Variants in FMO1 observed in about 807,000 individuals in gnomAD.
FMO1 encodes flavin containing dimethylaniline monoxygenase 1, also known as flavin-containing monooxygenase 1.
In FMO1, 36 loss-of-function variants were observed where a neutral mutation model predicts 45.4. The observed-to-expected ratio is 0.79, with a 90% CI of 0.61 to 1.05. The LOEUF is 1.05. Ranked by LOEUF, FMO1 falls within the 50% of genes least tolerant of loss-of-function variation. The pLI is 0.00. For missense variants in FMO1, 615 were observed against 640.3 expected (o/e 0.96, Z 0.43); for synonymous variants, 228 against 227.2 (o/e 1.00, Z -0.03).
rs2235507 is a variant in FMO1, at chr1:171,275,243, T to C, written c.322-103T>C. On this transcript the variant is annotated intron_variant, in intron 3 of 8. Transcript: ENST00000617670. ...TAGGGTTATACTTATTAATTATGTT[T>C]ATTCTGTGTTCTAGAACTTTTAAAA... 518 of 877,042 alleles carry C rather than the reference T, an allele frequency of 5.9e-4. 4 individuals carry two copies. The East Asian group carries it at 0.013, about 22-fold the overall frequency. The allele number at this position is 877,042 out of a possible 1,614,324, so 54.3% of individuals were successfully genotyped here.
intron 1 of FMO1, among the ~76,000 whole-genome samples, chr1:171,255,230 G>T (rs1221815511): frequency 6.6e-6 from 1 of 152,134 alleles, no homozygotes; most frequent in Non-Finnish European, 1.5e-5. Context: ...ATGCTGGAAG[G>T]TGCTATAAGC....
intron 2 of FMO1, 102 bp from the exon 3 acceptor site, chr1:171,267,441 T>G: frequency 1.4e-6 from 1 of 706,984 alleles, no homozygotes; most frequent in East Asian, 2.6e-5. Flanking sequence ...TATATTCTCC[T>G]GTGCTTGGCA....
At chr1:171,267,062 C>G (rs1558009444) in intron 2 of FMO1, among the ~76,000 whole-genome samples, 1 of 152,214 alleles carries the variant, frequency 6.6e-6, no homozygotes. Flanking sequence ...TCTCACAAAT[C>G]TCACCCTTCT....
At chr1:171,275,315 C>A in intron 3 of FMO1, 31 bp from the exon 4 acceptor site, 1 of 1,600,472 alleles carries the variant, frequency 6.2e-7, no homozygotes, top group Non-Finnish European at 8.6e-7. Context: ...ACATTGACAA[C>A]TGCTAATCAT....
At position 171,285,294 on chromosome 1, in the gene FMO1, TCTC is replaced by T. The variant is rs1469393048; in HGVS notation, c.1350_1352del (p.Ser451del). ...TATATCAATGCAAAACCCAACCTGT[TCTC>T]TATGCTCCTAACGGATCCACATCTG... On this transcript the variant is annotated inframe_deletion, in exon 9 of 9. Transcript: ENST00000617670. 19 of 1,613,894 alleles carry T rather than the reference TCTC, an allele frequency of 1.2e-5. No individual in the cohort carries two copies. The African/African-American group carries it at 2.5e-4, about 22-fold the overall frequency.
chr1:171,278,399 G>A (rs1661198754), intron 4 of FMO1, among the ~76,000 whole-genome samples: 1 of 152,046 alleles, frequency 6.6e-6, no homozygotes, highest in Admixed American at 6.6e-5. Flanking sequence ...GAACATTATT[G>A]TCCTGTTGAC....
At chr1:171,270,900 A>G (rs1342442283) in intron 3 of FMO1, 6 of 717,446 alleles carry the variant, frequency 8.4e-6, no homozygotes, top group Non-Finnish European at 1.4e-5. Flanking sequence ...TGACTTGTGA[A>G]CAGTAGGGTT....
At chr1:171,260,426 G>T (rs755663248) in intron 2 of FMO1, among the ~76,000 whole-genome samples, 7 of 152,192 alleles carry the variant, frequency 4.6e-5, no homozygotes, top group Non-Finnish European at 8.8e-5. Flanking sequence ...CCAGTGGAAG[G>T]GTTAGCCCTG....
At position 171,254,291 on chromosome 1, in the gene FMO1, A is replaced by G. The variant is rs1199949718; in HGVS notation, c.-6-3791A>G. 2.6e-5 allele frequency among the ~76,000 whole-genome samples: 4 copies of G among 152,220 alleles called. No homozygotes were observed. In the East Asian group the frequency reaches 5.8e-4, roughly 22 times the overall value. ...TTTTTGGTAGAGACAGGGTTTCACC[A>G]TGTTGGCCAGCTGGTTTCGAACTTC... On this transcript the variant is annotated intron_variant, in intron 1 of 8. Coordinates refer to ENST00000617670, the MANE Select transcript of FMO1 (RefSeq NM_001282693.2).
chr1:171,276,032 G>A (rs925519421), intron 4 of FMO1, among the ~76,000 whole-genome samples: 3 of 152,170 alleles, frequency 2.0e-5, no homozygotes, highest in African/African-American at 7.2e-5. Flanking sequence ...ACATCTTTGG[G>A]TCTCAGTTTT....
At chr1:171,283,265 TAAAAAAAAAAAAAAAAAAA>T (rs35331306) in intron 8 of FMO1, 49 bp downstream of exon 8, 30 of 74,722 alleles carry the variant, frequency 4.0e-4, no homozygotes, top group East Asian at 1.8e-3. Flanking sequence ...CTGAAATTGG[TAAAAAAAAAAAAAAAAAAA>T]AAAAAAAAAA....
chr1:171,257,942 C>T, intron 1 of FMO1, 140 bp from the exon 2 acceptor site: 3 of 914,008 alleles, frequency 3.3e-6, no homozygotes, highest in Non-Finnish European at 5.0e-6. Flanking sequence ...TTCTCACATT[C>T]ACACACCAGA....
chr1:171,263,138 A>C (rs12044884), intron 2 of FMO1, among the ~76,000 whole-genome samples: 19,309 of 152,216 alleles, frequency 0.13, 1,282 homozygotes, highest in Admixed American at 0.17. Context: ...CAAGCTTAAG[A>C]AAGTAAATTT....
At chr1:171,256,837 A>G (rs1026455325) in intron 1 of FMO1, among the ~76,000 whole-genome samples, 1 of 152,198 alleles carries the variant, frequency 6.6e-6, no homozygotes, top group Non-Finnish European at 1.5e-5. Context: ...TAGAAAAATT[A>G]TGTCTTTGGG....
chr1:171,257,683 TAA>T, intron 1 of FMO1: 1 of 253,366 alleles, frequency 3.9e-6, no homozygotes, highest in Non-Finnish European at 7.7e-6. Context: ...TTGTATGTGA[TAA>T]AGAGATTGTG....
chr1:171,271,038 C>T (rs1053006806), intron 3 of FMO1: 2 of 1,006,090 alleles, frequency 2.0e-6, no homozygotes, highest in Non-Finnish European at 3.0e-6. Flanking sequence ...CCTCTTCCTT[C>T]TTTTTCTTGC....
chr1:171,266,356 T>C (rs2101814159), intron 2 of FMO1, among the ~76,000 whole-genome samples: 1 of 152,340 alleles, frequency 6.6e-6, no homozygotes. Context: ...AAACCATTCA[T>C]ATCAGTATTG....
At chr1:171,274,016 G>T (rs1660989554) in intron 3 of FMO1, among the ~76,000 whole-genome samples, 1 of 152,060 alleles carries the variant, frequency 6.6e-6, no homozygotes, top group Non-Finnish European at 1.5e-5. Context: ...AGCCATGGTG[G>T]CATGGGCCTG....
At chr1:171,261,323 A>G (rs982456830) in intron 2 of FMO1, among the ~76,000 whole-genome samples, 3 of 150,184 alleles carry the variant, frequency 2.0e-5, no homozygotes, top group South Asian at 2.1e-4. Flanking sequence ...ACACACAGGC[A>G]CACACACACA....
Sources: gnomAD v4.1 joint callset for allele counts (sites outside exome capture counted in the v4.1 genomes callset) on GRCh38, gnomAD v4.1.1 for gene constraint, MANE v1.5 for transcripts, NCBI Gene and HGNC (gene_info 2026-07-23, HGNC 2026-07-21) for gene names.